KCNH7: variants seen among roughly 807,000 people sequenced by gnomAD.
The protein encoded by KCNH7 is voltage-gated inwardly rectifying potassium channel KCNH7.
In KCNH7, 49 loss-of-function variants were observed where a neutral mutation model predicts 120.8. The ratio of observed to expected loss-of-function variants is 0.41; its 90% confidence interval spans 0.32 to 0.51. The LOEUF (loss-of-function observed/expected upper bound fraction) is 0.51, where lower values mean the gene tolerates loss of function less well. KCNH7 is among the 20% of genes least tolerant of loss of function. The pLI is 0.38. For missense variants in KCNH7, 1,097 were observed against 1,446.6 expected, an observed-to-expected ratio of 0.76 and a Z score of 3.92; for synonymous variants, 547 against 516.1, an observed-to-expected ratio of 1.06 and a Z score of -0.81.
chr2:162,812,772 A>G (rs1185935484), intron 2 of KCNH7, among the ~76,000 whole-genome samples: 1 of 152,172 alleles, frequency 6.6e-6, no homozygotes, highest in Admixed American at 6.5e-5. Context: ...ATTCAAAGAC[A>G]GCAGGAAGTG....
intron 2 of KCNH7, among the ~76,000 whole-genome samples, chr2:162,623,816 T>C (rs558909240): frequency 6.6e-6 from 1 of 152,334 alleles, no homozygotes; most frequent in South Asian, 2.1e-4. Flanking sequence ...ATCATTATCT[T>C]TTGACTCAAT....
chr2:162,505,518 G>C (rs1438119561), intron 5 of KCNH7, among the ~76,000 whole-genome samples: 1 of 151,932 alleles, frequency 6.6e-6, no homozygotes, highest in Admixed American at 6.6e-5. Flanking sequence ...AAGGTGGCAA[G>C]ACTCCTGGTT....
intron 4 of KCNH7, among the ~76,000 whole-genome samples, chr2:162,513,224 T>A (rs1691144401): frequency 9.1e-6 from 1 of 109,974 alleles, no homozygotes; most frequent in South Asian, 3.7e-4. Flanking sequence ...CCTCCTTCCC[T>A]CCTGCCTTCC....
chr2:162,484,831 A>G (rs890705656), intron 6 of KCNH7, among the ~76,000 whole-genome samples: 1 of 151,986 alleles, frequency 6.6e-6, no homozygotes, highest in Non-Finnish European at 1.5e-5. Context: ...TTCCTCTCTC[A>G]CCATGTGATC....
At chr2:162,554,646 G>T (rs868242784) in intron 2 of KCNH7, among the ~76,000 whole-genome samples, 16 of 152,084 alleles carry the variant, frequency 1.1e-4, no homozygotes, top group Admixed American at 4.6e-4. Flanking sequence ...CTGACTATGA[G>T]CCCTGCTTCT....
intron 2 of KCNH7, among the ~76,000 whole-genome samples, chr2:162,561,088 A>G (rs1286391760): frequency 6.6e-6 from 1 of 151,826 alleles, no homozygotes; most frequent in Non-Finnish European, 1.5e-5. Context: ...TGTTGTTTTT[A>G]CTGACTGTTG....
At position 162,627,337 on chromosome 2, in the gene KCNH7, A is replaced by G. The variant is rs763085345; in HGVS notation, c.308-90257T>C. Among the ~76,000 whole-genome samples the G allele has an allele frequency of 3.4e-4, 52 of 152,314 alleles. 1 individual carries two copies. In the Middle Eastern group the frequency reaches 0.024, roughly 70 times the overall value. ...ATTGTGAAAATAGCATCTCTGACCC[A>G]GGTGAACATTAACTTATCAATGCCA... On this transcript the variant is annotated intron_variant, in intron 2 of 15. Coordinates refer to ENST00000332142, the MANE Select transcript of KCNH7 (RefSeq NM_033272.4).
chr2:162,405,422 A>C (rs1048529173), intron 9 of KCNH7, among the ~76,000 whole-genome samples: 1 of 152,022 alleles, frequency 6.6e-6, no homozygotes, highest in Non-Finnish European at 1.5e-5. Flanking sequence ...AAAACTCATA[A>C]AAGATATCAC....
At chr2:162,654,058 G>GA (rs1684658273) in intron 2 of KCNH7, among the ~76,000 whole-genome samples, 1 of 148,546 alleles carries the variant, frequency 6.7e-6, no homozygotes, top group South Asian at 2.1e-4. Flanking sequence ...TAAAACATAG[G>GA]AAAAAAGCTC....
chr2:162,619,767 A>T (rs556933727), intron 2 of KCNH7, among the ~76,000 whole-genome samples: 1 of 152,130 alleles, frequency 6.6e-6, no homozygotes, highest in Non-Finnish European at 1.5e-5. Flanking sequence ...ATAGTGATTA[A>T]ACGCATCTTC....
chr2:162,441,996 CTTCTTTTTT>C (rs1688430162), intron 7 of KCNH7, among the ~76,000 whole-genome samples: 1 of 14,542 alleles, frequency 6.9e-5, no homozygotes, highest in African/African-American at 2.0e-4. Flanking sequence ...ATAGTTAGGT[CTTCTTTTTT>C]TTTTTTTTTT....
intron 2 of KCNH7, among the ~76,000 whole-genome samples, chr2:162,762,895 A>G (rs1248071313): frequency 6.6e-6 from 1 of 152,094 alleles, no homozygotes; most frequent in Admixed American, 6.6e-5. Context: ...AGCAATCAAT[A>G]TATTCTATGA....
rs1453504738 is a variant in KCNH7 at position 162,384,796 on chromosome 2, T to G, written c.2854A>C (p.Ile952Leu). Residue 952 changes from isoleucine (I) to leucine (L), a missense_variant, in exon 13 of 16, where the codon ATA becomes CTA. Ile to Leu is a conservative substitution (Grantham distance 5). Coordinates refer to ENST00000332142, the MANE Select transcript of KCNH7 (RefSeq NM_033272.4). ...CCTATTCCTGGAGAAGAGTCTACTA[T>G]TCCTGAGAAGAGCGGCTTTTGTTCA... Reference protein sequence around the residue: ...DDEQKPLFSGIVDSSPGIGKA... With the variant: ...DDEQKPLFSGLVDSSPGIGKA... 3 of 1,612,800 alleles carry G rather than the reference T, an allele frequency of 1.9e-6. No individual in the cohort carries two copies. The highest frequency in any genetic ancestry group is 2.5e-6 in the Non-Finnish European group (3 of 1,179,154).
chr2:162,635,115 C>G (rs1683909755), intron 2 of KCNH7, among the ~76,000 whole-genome samples: 1 of 152,062 alleles, frequency 6.6e-6, no homozygotes, highest in African/African-American at 2.4e-5. Context: ...AAAGTTTTAT[C>G]ATTCCAGAAA....
chr2:162,831,844 G>T (rs141204027), intron 2 of KCNH7, among the ~76,000 whole-genome samples: 1 of 152,208 alleles, frequency 6.6e-6, no homozygotes, highest in Non-Finnish European at 1.5e-5. Context: ...GCTTCTTGTT[G>T]GTACCAGAGC....
At chr2:162,822,869 G>A (rs760679646) in intron 2 of KCNH7, among the ~76,000 whole-genome samples, 136 of 152,252 alleles carry the variant, frequency 8.9e-4, no homozygotes, top group Non-Finnish European at 1.7e-3. Context: ...GGTGTCAAAG[G>A]CACAAGCCCG....
chr2:162,625,464 T>C (rs914554043), intron 2 of KCNH7, among the ~76,000 whole-genome samples: 2 of 152,086 alleles, frequency 1.3e-5, no homozygotes, highest in Non-Finnish European at 2.9e-5. Flanking sequence ...TAGGAGCTAG[T>C]AGGGGGTGAA....
chr2:162,638,902 C>A (rs540133194), intron 2 of KCNH7, among the ~76,000 whole-genome samples: 4 of 152,272 alleles, frequency 2.6e-5, no homozygotes, highest in African/African-American at 9.6e-5. Flanking sequence ...CATATTCACG[C>A]ACAGACATCT....
chr2:162,638,162 G>A (rs756801358), intron 2 of KCNH7, among the ~76,000 whole-genome samples: 2 of 152,016 alleles, frequency 1.3e-5, no homozygotes, highest in Non-Finnish European at 1.5e-5. Context: ...CTTTACCTTC[G>A]AATACCAAGG....
Sources: allele counts gnomAD v4.1 joint callset (sites outside exome capture counted in the v4.1 genomes callset), GRCh38; gene constraint gnomAD v4.1.1; transcripts MANE v1.5; gene names NCBI Gene and HGNC (gene_info 2026-07-23, HGNC 2026-07-21).